PCDHA13: variants seen among roughly 807,000 people sequenced by gnomAD.
The protein encoded by PCDHA13 is protocadherin alpha-13.
A neutral mutation model predicts 64.8 loss-of-function variants in PCDHA13; 54 were observed. The observed-to-expected ratio is 0.83, with a 90% confidence interval of 0.67 to 1.04. PCDHA13 has a LOEUF of 1.04. Ranked by LOEUF, PCDHA13 falls within the 50% of genes least tolerant of loss-of-function variation. The pLI, the probability that PCDHA13 is intolerant of heterozygous loss-of-function variation, is 0.00. For missense variants in PCDHA13, 1,248 were observed against 1,254.3 expected (o/e 0.99, Z 0.08); for synonymous variants, 587 against 564.4 (o/e 1.04, Z -0.57).
intron 1 of PCDHA13, among the ~76,000 whole-genome samples, chr5:140,953,567 C>G (rs1385823859): frequency 6.6e-6 from 1 of 152,018 alleles, no homozygotes; most frequent in Non-Finnish European, 1.5e-5. Flanking sequence ...TTTTAGTGCC[C>G]TCCTCTCCCA....
At chr5:140,912,897 G>GT (rs1364534308) in intron 1 of PCDHA13, among the ~76,000 whole-genome samples, 12 of 152,290 alleles carry the variant, frequency 7.9e-5, no homozygotes, top group Admixed American at 3.3e-4. Context: ...TTGATATGAT[G>GT]TATCATATTG....
At chr5:140,974,240 A>G (rs1554235899) in intron 1 of PCDHA13, among the ~76,000 whole-genome samples, 1 of 152,188 alleles carries the variant, frequency 6.6e-6, no homozygotes, top group African/African-American at 2.4e-5. Context: ...CTTGGCATAT[A>G]AGCACCATCA....
At chr5:140,975,940 G>A (rs562983011) in intron 1 of PCDHA13, among the ~76,000 whole-genome samples, 1 of 152,216 alleles carries the variant, frequency 6.6e-6, no homozygotes, top group Admixed American at 6.5e-5. Flanking sequence ...TGAAGCAATA[G>A]GACATATTAG....
At chr5:140,970,327 A>AGCATG (rs2096397524) in intron 1 of PCDHA13, among the ~76,000 whole-genome samples, 1 of 152,204 alleles carries the variant, frequency 6.6e-6, no homozygotes, top group African/African-American at 2.4e-5. Context: ...GTACTTCCAA[A>AGCATG]GCATGCATTC....
At chr5:140,956,281 G>A (rs551518322) in intron 1 of PCDHA13, among the ~76,000 whole-genome samples, 14 of 152,008 alleles carry the variant, frequency 9.2e-5, no homozygotes, top group Admixed American at 2.0e-4. Flanking sequence ...ATTGGCTGTG[G>A]GTTTATCATA....
In PCDHA13 at chr5:140,883,355, A is replaced by T. The variant is rs763058953; in HGVS notation, c.1087A>T (p.Thr363Ser). The change falls in exon 1 of 4, where the codon ACT (threonine) becomes TCT (serine). Residue 363 changes from threonine (T) to serine (S), a missense_variant. Transcript: ENST00000289272. ...TTTGTCACTCCCCATCAGAGAAGAC[A>T]CTCAGCCTAGCGCCATTATTGCCCT... ...TSLSLPIRED[T>S]QPSAIIALIS... 1.2e-6 allele frequency: 2 copies of T among 1,614,076 alleles called. No individual in the cohort carries two copies. Among genetic ancestry groups the T allele is most frequent in the Admixed American group, 3.3e-5 (2 of 60,010 alleles).
intron 3 of PCDHA13, among the ~76,000 whole-genome samples, chr5:140,991,982 A>ACCAC (rs2097483325): frequency 6.6e-6 from 1 of 151,494 alleles, no homozygotes; most frequent in African/African-American, 2.4e-5. Context: ...TATTCTGCCT[A>ACCAC]CCACCCGGTC....
chr5:140,968,737 C>T, intron 1 of PCDHA13: 2 of 1,614,148 alleles, frequency 1.2e-6, no homozygotes, highest in Non-Finnish European at 1.7e-6. Flanking sequence ...GCACTTTCAA[C>T]CTGACCGTGG....
intron 1 of PCDHA13, among the ~76,000 whole-genome samples, chr5:140,891,207 GCTGTGTCTTTATAATCATC>G (rs2062985050): frequency 6.6e-6 from 1 of 152,054 alleles, no homozygotes; most frequent in Non-Finnish European, 1.5e-5. Context: ...GTTTTACCAT[GCTGTGTCTTTATAATCATC>G]CTGTTCTGGA....
chr5:140,938,298 A>G (rs549354760), intron 1 of PCDHA13, among the ~76,000 whole-genome samples: 4 of 152,350 alleles, frequency 2.6e-5, no homozygotes, highest in African/African-American at 7.2e-5. Context: ...ATTGCCTATG[A>G]AATTCAGTAT....
At position 140,966,988 on chromosome 5, in the gene PCDHA13, G is replaced by C. The variant is rs782004679; in HGVS notation, c.2395-11961G>C. 1.2e-5 allele frequency: 20 copies of C among 1,603,962 alleles called. No homozygotes were observed. The African/African-American group carries it at 2.1e-4, about 17-fold the overall frequency. Reference sequence around the variant, plus strand: ...GGCTTGAGCTGCGGCGCTTGGGGCCGGGTTGCTTGCGCATCAACCATCTGG... The same window carrying C: ...GGCTTGAGCTGCGGCGCTTGGGGCCCGGTTGCTTGCGCATCAACCATCTGG... On this transcript the variant is annotated intron_variant, in intron 1 of 3. Transcript: ENST00000289272.
At chr5:140,956,554 G>C (rs546505112) in intron 1 of PCDHA13, among the ~76,000 whole-genome samples, 1 of 152,318 alleles carries the variant, frequency 6.6e-6, no homozygotes, top group East Asian at 1.9e-4. Flanking sequence ...TGGTTTGCCA[G>C]TATCTTATTG....
Position 140,884,544 on chromosome 5 carries a change from G to T in PCDHA13, c.2276G>T (p.Cys759Phe). The change falls in exon 1 of 4, where the codon TGC becomes TTC. Residue 759 changes from cysteine to phenylalanine, a missense_variant. By Grantham distance (205) the Cys-to-Phe change is radical (BLOSUM62 -2). Transcript: ENST00000289272. ...SYSQQRRPRV[C>F]SGEGPHKTDL... The stretch of plus-strand genomic sequence containing the variant: ...TCGCAGCAGAGGCGGCCGAGGGTGT[G>T]CTCTGGGGAGGGCCCGCATAAGACG... 1 of 1,614,222 alleles carries T rather than the reference G, an allele frequency of 6.2e-7. No individual in the cohort carries two copies. Among genetic ancestry groups the T allele is most frequent in the South Asian group, 1.1e-5 (1 of 91,084 alleles).
intron 1 of PCDHA13, among the ~76,000 whole-genome samples, chr5:140,953,593 G>T (rs1392522676): frequency 6.6e-6 from 1 of 152,026 alleles, no homozygotes; most frequent in African/African-American, 2.4e-5. Context: ...GCCTCCTTTT[G>T]TTTATTCCCC....
In PCDHA13 at chr5:141,010,294, C is replaced by T. The variant is rs545906858; in HGVS notation, c.*357C>T. ...TCCTGTCTTGATGACACTTGCAGGG[C>T]AGGCTGAAAAGTTTTGAGATTGAGC... On this transcript the variant is annotated 3_prime_UTR_variant, in exon 4 of 4. Coordinates refer to ENST00000289272, the MANE Select transcript of PCDHA13 (RefSeq NM_018904.3). 3.2e-6 allele frequency: 5 copies of T among 1,549,782 alleles called. No homozygotes were observed. Among genetic ancestry groups the T allele is most frequent in the Non-Finnish European group, 4.4e-6 (5 of 1,146,446 alleles).
intron 1 of PCDHA13, among the ~76,000 whole-genome samples, chr5:140,895,667 G>A (rs2153450568): frequency 1.3e-5 from 2 of 152,262 alleles, no homozygotes; most frequent in South Asian, 4.1e-4. Context: ...GTGAGAACAT[G>A]TAGTATTTGG....
chr5:140,882,583 C>A lies in PCDHA13; in HGVS notation c.315C>A (p.His105Gln). The change falls in exon 1 of 4, where the codon CAC (histidine) becomes CAA (glutamine). Residue 105 changes from histidine to glutamine, a missense_variant. Coordinates refer to ENST00000289272, the MANE Select transcript of PCDHA13 (RefSeq NM_018904.3). ...LCGRSAECSI[H>Q]LEVIVDRPLQ... ...GGCGGAGCGCGGAGTGCAGCATCCACCTGGAGGTGATCGTGGACAGGCCTC... is the reference window on the plus strand; with the variant it reads ...GGCGGAGCGCGGAGTGCAGCATCCAACTGGAGGTGATCGTGGACAGGCCTC... 1 of 1,614,232 alleles carries A rather than the reference C, an allele frequency of 6.2e-7. No individual in the cohort carries two copies. Among genetic ancestry groups the A allele is most frequent in the Non-Finnish European group, 8.5e-7 (1 of 1,180,046 alleles).
At chr5:140,925,923 C>CT (rs111894943) in intron 1 of PCDHA13, among the ~76,000 whole-genome samples, 7,061 of 152,174 alleles carry the variant, frequency 0.046, 290 homozygotes, top group African/African-American at 0.11. Context: ...GCAAAGCACT[C>CT]CCAAGTAGAG....
chr5:140,917,042 G>A (rs73793522), intron 1 of PCDHA13, among the ~76,000 whole-genome samples: 8,683 of 152,228 alleles, frequency 0.057, 736 homozygotes, highest in African/African-American at 0.19. Flanking sequence ...GTCCAGCACA[G>A]TGTTGTTCCC....
Sources: allele counts gnomAD v4.1 joint callset (sites outside exome capture counted in the v4.1 genomes callset), GRCh38; gene constraint gnomAD v4.1.1; transcripts MANE v1.5; gene names NCBI Gene and HGNC (gene_info 2026-07-23, HGNC 2026-07-21).